Variants in ZNF804B observed in about 807,000 individuals in gnomAD.
ZNF804B encodes zinc finger protein 804B.
A neutral mutation model predicts 101.4 loss-of-function variants in ZNF804B; 80 were observed. The ratio of observed to expected loss-of-function variants is 0.79; its 90% CI spans 0.66 to 0.95. The LOEUF (loss-of-function observed/expected upper bound fraction) is 0.95, where lower values mean the gene tolerates loss of function less well. Ranked by LOEUF, ZNF804B falls within the 40% of genes least tolerant of loss-of-function variation. The probability of loss-of-function intolerance (pLI) is 0.00; values close to 1 mark genes in which losing one functional copy is unlikely to be tolerated. For synonymous variants in ZNF804B, 622 were observed against 558.8 expected, an observed-to-expected ratio of 1.11 and a Z score of -1.59; for missense variants, 1,673 against 1,561.9, an observed-to-expected ratio of 1.07 and a Z score of -1.20.
At chr7:88,900,664 A>AT (rs780187602) in intron 1 of ZNF804B, among the ~76,000 whole-genome samples, 136 of 151,030 alleles carry the variant, frequency 9.0e-4, no homozygotes, top group Non-Finnish European at 1.1e-3. Context: ...TTAGACAGAT[A>AT]TTTGAACAAA....
chr7:88,892,770 G>A (rs141973423), intron 1 of ZNF804B, among the ~76,000 whole-genome samples: 272 of 151,930 alleles, frequency 1.8e-3, no homozygotes, highest in Admixed American at 4.6e-3. Context: ...TGGTCACTTC[G>A]TTCCTGGAAA....
At chr7:88,814,049 A>G (rs75678027) in intron 1 of ZNF804B, among the ~76,000 whole-genome samples, 3,148 of 152,282 alleles carry the variant, frequency 0.021, 91 homozygotes, top group African/African-American at 0.059. Context: ...TTTGAGAGAA[A>G]TGTATGCAGA....
rs554951184 is a variant in ZNF804B, at chr7:89,163,412, TG to T, written c.109-54738del. Among the ~76,000 whole-genome samples, 587 of 152,168 alleles carry T rather than the reference TG, an allele frequency of 3.9e-3. 5 individuals are homozygous for T. Among genetic ancestry groups the T allele is most frequent in the African/African-American group, 0.013 (553 of 41,522 alleles). ...TTCCTTTCTTCTTTTGATTTTTTGGTGGGGGTGAGAAGTAAAGGGCTTAATT... is the reference window on the plus strand; with the variant it reads ...TTCCTTTCTTCTTTTGATTTTTTGGTGGGGTGAGAAGTAAAGGGCTTAATT... On this transcript the variant is annotated intron_variant, in intron 1 of 3. Transcript: ENST00000333190.
intron 2 of ZNF804B, among the ~76,000 whole-genome samples, chr7:89,293,589 C>T (rs1234722963): frequency 6.6e-6 from 1 of 151,940 alleles, no homozygotes; most frequent in Admixed American, 6.6e-5. Flanking sequence ...TCGAGACCAT[C>T]CTGGCTAATA....
At chr7:88,895,028 T>C (rs1281985311) in intron 1 of ZNF804B, among the ~76,000 whole-genome samples, 1 of 152,154 alleles carries the variant, frequency 6.6e-6, no homozygotes. Flanking sequence ...AAGTGCAAAA[T>C]GACAAAAACT....
intron 1 of ZNF804B, among the ~76,000 whole-genome samples, chr7:88,953,521 G>A (rs1253660337): frequency 4.0e-5 from 6 of 151,570 alleles, no homozygotes; most frequent in Non-Finnish European, 5.9e-5. Context: ...CCCAACCTCC[G>A]AGCACTGTGA....
chr7:89,078,723 G>T lies in ZNF804B; in HGVS notation c.109-139432G>T, dbSNP rs1428888931. ...TCTATTGCCTCTAAAAGTATGTCCA[G>T]TATTATTTTCTCCTCTGTAAGGGAT... On this transcript the variant is annotated intron_variant, in intron 1 of 3. Transcript: ENST00000333190. 2.7e-5 allele frequency among the ~76,000 whole-genome samples: 4 copies of T among 150,422 alleles called. No individual in the cohort carries two copies. In the East Asian group the frequency reaches 7.8e-4, roughly 29 times the overall value.
chr7:89,202,128 A>C (rs1788650171), intron 1 of ZNF804B, among the ~76,000 whole-genome samples: 1 of 152,098 alleles, frequency 6.6e-6, no homozygotes. Flanking sequence ...CCAAGCATTC[A>C]TATCATAACT....
At chr7:89,055,649 AG>A (rs1257284748) in intron 1 of ZNF804B, among the ~76,000 whole-genome samples, 1 of 152,106 alleles carries the variant, frequency 6.6e-6, no homozygotes, top group Non-Finnish European at 1.5e-5. Flanking sequence ...TCCTTTGTCC[AG>A]TGAAAAGTCT....
intron 1 of ZNF804B, among the ~76,000 whole-genome samples, chr7:89,012,933 G>A (rs1476024904): frequency 1.3e-5 from 2 of 152,140 alleles, no homozygotes; most frequent in Non-Finnish European, 2.9e-5. Flanking sequence ...TTATGGCTGG[G>A]TAGCCCTCAG....
rs183758972 is a variant in ZNF804B at position 89,101,912 on chromosome 7, A to G, written c.109-116243A>G. The stretch of plus-strand genomic sequence containing the variant: ...GAGTCTATTCCTTCCATCTTTATCT[A>G]CATGTGTGCCCTTTGTTTAGCTCCC... On this transcript the variant is annotated intron_variant, in intron 1 of 3. Transcript: ENST00000333190. 5.6e-3 allele frequency among the ~76,000 whole-genome samples: 855 copies of G among 151,712 alleles called. 13 individuals are homozygous for G. Among genetic ancestry groups the G allele is most frequent in the South Asian group, 0.049 (234 of 4,816 alleles).
intron 1 of ZNF804B, among the ~76,000 whole-genome samples, chr7:89,179,385 T>C (rs900303998): frequency 1.3e-5 from 2 of 152,152 alleles, no homozygotes; most frequent in African/African-American, 4.8e-5. Flanking sequence ...TTAAGCTCAC[T>C]ATTTCTTTCT....
At chr7:89,014,042 T>C (rs974542279) in intron 1 of ZNF804B, among the ~76,000 whole-genome samples, 1 of 152,148 alleles carries the variant, frequency 6.6e-6, no homozygotes, top group Non-Finnish European at 1.5e-5. Flanking sequence ...CTTTGATATT[T>C]TTATTGCCTT....
At chr7:88,945,210 T>G (rs1793110020) in intron 1 of ZNF804B, among the ~76,000 whole-genome samples, 1 of 152,150 alleles carries the variant, frequency 6.6e-6, no homozygotes, top group African/African-American at 2.4e-5. Flanking sequence ...TCTAGGGTTT[T>G]TATGGCTTTA....
At chr7:89,116,444 T>C (rs542634481) in intron 1 of ZNF804B, among the ~76,000 whole-genome samples, 1 of 152,262 alleles carries the variant, frequency 6.6e-6, no homozygotes, top group Admixed American at 6.5e-5. Context: ...ATTTCTATAT[T>C]TGTCCCTTAG....
At chr7:89,091,898 TA>T (rs376961776) in intron 1 of ZNF804B, among the ~76,000 whole-genome samples, 2 of 152,330 alleles carry the variant, frequency 1.3e-5, no homozygotes, top group African/African-American at 4.8e-5. Context: ...CCGTGTAAGT[TA>T]AGGGGAATTC....
intron 1 of ZNF804B, among the ~76,000 whole-genome samples, chr7:88,902,495 T>A (rs987140711): frequency 1.3e-5 from 2 of 151,934 alleles, no homozygotes; most frequent in Non-Finnish European, 2.9e-5. Context: ...CACTTTGGAG[T>A]AAGTGAGCAT....
intron 1 of ZNF804B, among the ~76,000 whole-genome samples, chr7:88,883,192 A>G (rs1792069115): frequency 6.6e-6 from 1 of 152,104 alleles, no homozygotes; most frequent in African/African-American, 2.4e-5. Context: ...TCATAAGGAA[A>G]TTGTTTAAAA....
At chr7:88,991,832 CAT>C (rs963815527) in intron 1 of ZNF804B, among the ~76,000 whole-genome samples, 1 of 152,144 alleles carries the variant, frequency 6.6e-6, no homozygotes, top group Admixed American at 6.5e-5. Flanking sequence ...ATGAGGCTTA[CAT>C]ATGATATAGC....
Sources: allele counts gnomAD v4.1 joint callset (sites outside exome capture counted in the v4.1 genomes callset), GRCh38; gene constraint gnomAD v4.1.1; transcripts MANE v1.5; gene names NCBI Gene and HGNC (gene_info 2026-07-23, HGNC 2026-07-21).